Variants in NTNG1 observed in about 807,000 individuals in gnomAD.
The protein encoded by NTNG1 is netrin-G1.
NTNG1 carries 16 observed loss-of-function variants against 54.0 expected under a neutral mutation model. The ratio of observed to expected loss-of-function variants is 0.30; its 90% CI spans 0.20 to 0.45. The LOEUF (loss-of-function observed/expected upper bound fraction) is 0.45. Ranked by LOEUF, NTNG1 falls within the 20% of genes least tolerant of loss-of-function variation. The probability of loss-of-function intolerance (pLI) is 1.00; values close to 1 mark genes in which losing one functional copy is unlikely to be tolerated. For missense variants in NTNG1, 530 were observed against 678.7 expected (o/e 0.78, Z 2.43); for synonymous variants, 255 against 263.1 (o/e 0.97, Z 0.30).
intron 2 of NTNG1, among the ~76,000 whole-genome samples, chr1:107,192,668 A>G (rs1176756615): frequency 6.6e-6 from 1 of 152,068 alleles, no homozygotes; most frequent in Non-Finnish European, 1.5e-5. Context: ...TATTTCCAAA[A>G]TGTGTACATA....
chr1:107,278,293 T>C (rs1229737775), intron 2 of NTNG1, among the ~76,000 whole-genome samples: 5 of 152,208 alleles, frequency 3.3e-5, no homozygotes, highest in Non-Finnish European at 5.9e-5. Flanking sequence ...TCATTAAGTA[T>C]TTGCATTCCT....
At chr1:107,336,136 A>C (rs1212259433) in intron 3 of NTNG1, among the ~76,000 whole-genome samples, 1 of 151,796 alleles carries the variant, frequency 6.6e-6, no homozygotes, top group African/African-American at 2.4e-5. Flanking sequence ...ATAACATTGA[A>C]AAAGAAGAAT....
rs148014529 is a variant in NTNG1, at chr1:107,257,871, A to G, written c.247-66411A>G. On this transcript the variant is annotated intron_variant, in intron 2 of 7. Transcript: ENST00000370068. ...GACCTCAGCAATGAAAAAGTATCCT[A>G]CATTTCCACATTAATAATCCAGTTT... Among the ~76,000 whole-genome samples, 26 of 152,290 alleles carry G rather than the reference A, an allele frequency of 1.7e-4. No homozygotes were observed. In the East Asian group the frequency reaches 5.0e-3, roughly 29 times the overall value.
chr1:107,335,226 A>C (rs1381006453), intron 3 of NTNG1, among the ~76,000 whole-genome samples: 21 of 152,024 alleles, frequency 1.4e-4, no homozygotes, highest in Non-Finnish European at 2.5e-4. Context: ...CTCATTCTCA[A>C]GCAATATTTA....
At chr1:107,182,635 T>C (rs1570782543) in intron 2 of NTNG1, among the ~76,000 whole-genome samples, 2 of 152,136 alleles carry the variant, frequency 1.3e-5, no homozygotes, top group East Asian at 1.9e-4. Flanking sequence ...GCACAGACTC[T>C]GTAGGCTTTA....
chr1:107,406,477 T>C (rs1673427160), intron 4 of NTNG1, among the ~76,000 whole-genome samples: 1 of 152,126 alleles, frequency 6.6e-6, no homozygotes, highest in African/African-American at 2.4e-5. Flanking sequence ...TAGATCTTAT[T>C]AGCCCTTTTT....
chr1:107,246,546 A>C (rs1662215448), intron 2 of NTNG1, among the ~76,000 whole-genome samples: 1 of 152,080 alleles, frequency 6.6e-6, no homozygotes, highest in South Asian at 2.1e-4. Flanking sequence ...AGTAGTCATA[A>C]TCGTGAGTGG....
intron 2 of NTNG1, among the ~76,000 whole-genome samples, chr1:107,200,587 A>G (rs1658674882): frequency 6.6e-6 from 1 of 151,710 alleles, no homozygotes; most frequent in Admixed American, 6.6e-5. Flanking sequence ...TTGTTGTTTC[A>G]CCGTCCTTTT....
At chr1:107,276,411 C>T (rs559793279) in intron 2 of NTNG1, among the ~76,000 whole-genome samples, 4 of 152,174 alleles carry the variant, frequency 2.6e-5, no homozygotes, top group South Asian at 4.2e-4. Flanking sequence ...TACTTGCCTC[C>T]CCTCCTGCCT....
At chr1:107,363,945 A>G (rs574286353) in intron 3 of NTNG1, among the ~76,000 whole-genome samples, 3 of 152,268 alleles carry the variant, frequency 2.0e-5, no homozygotes, top group Admixed American at 2.0e-4. Context: ...ATTTGGGGGA[A>G]AAAGAACTGT....
chr1:107,434,406 T>C (rs996697930), intron 6 of NTNG1, among the ~76,000 whole-genome samples: 2 of 152,158 alleles, frequency 1.3e-5, no homozygotes, highest in Non-Finnish European at 2.9e-5. Flanking sequence ...TGTAATGACA[T>C]AGCAATTACA....
chr1:107,197,702 C>T (rs1290895163), intron 2 of NTNG1, among the ~76,000 whole-genome samples: 1 of 151,960 alleles, frequency 6.6e-6, no homozygotes, highest in Admixed American at 6.6e-5. Flanking sequence ...TATCTAATCC[C>T]TGCCATGACA....
chr1:107,253,867 C>G (rs1662767793), intron 2 of NTNG1, among the ~76,000 whole-genome samples: 1 of 152,232 alleles, frequency 6.6e-6, no homozygotes, highest in Admixed American at 6.5e-5. Context: ...TGTACTGTCT[C>G]TGACACCTTT....
chr1:107,182,272 C>T (rs1657128327), intron 2 of NTNG1, among the ~76,000 whole-genome samples: 1 of 152,060 alleles, frequency 6.6e-6, no homozygotes, highest in Admixed American at 6.6e-5. Context: ...TTTGAGTCTC[C>T]CCAAATCTCA....
chr1:107,355,958 A>G (rs572480746), intron 3 of NTNG1, among the ~76,000 whole-genome samples: 2 of 152,308 alleles, frequency 1.3e-5, no homozygotes, highest in East Asian at 3.9e-4. Context: ...GTGTCCTAAA[A>G]AGATTTTTGT....
chr1:107,351,083 A>G (rs1669570159), intron 3 of NTNG1, among the ~76,000 whole-genome samples: 1 of 152,234 alleles, frequency 6.6e-6, no homozygotes, highest in South Asian at 2.1e-4. Flanking sequence ...ATGTCAAATT[A>G]TCACTTAGTA....
At chr1:107,165,211 G>T (rs1181270438) in intron 2 of NTNG1, among the ~76,000 whole-genome samples, 2 of 152,116 alleles carry the variant, frequency 1.3e-5, no homozygotes, top group Non-Finnish European at 1.5e-5. Context: ...GAAACTAGAG[G>T]CAAGGGGCGA....
intron 2 of NTNG1, among the ~76,000 whole-genome samples, chr1:107,234,854 T>G (rs992934037): frequency 1.3e-5 from 2 of 152,174 alleles, no homozygotes; most frequent in African/African-American, 4.8e-5. Context: ...CTGGAACTGC[T>G]CATGCAGTAT....
At chr1:107,204,323 AT>A (rs1659007850) in intron 2 of NTNG1, among the ~76,000 whole-genome samples, 1 of 152,080 alleles carries the variant, frequency 6.6e-6, no homozygotes, top group Admixed American at 6.6e-5. Flanking sequence ...ATTTCTAACT[AT>A]TTTTTAACAA....
Sources: allele counts gnomAD v4.1 joint callset (sites outside exome capture counted in the v4.1 genomes callset), GRCh38; gene constraint gnomAD v4.1.1; transcripts MANE v1.5; gene names NCBI Gene and HGNC (gene_info 2026-07-23, HGNC 2026-07-21).